The following ADAMTS2 variants were observed in gnomAD, a reference collection of about 807,000 sequenced individuals.
ADAMTS2 encodes the protein A disintegrin and metalloproteinase with thrombospondin motifs 2.
Under a neutral mutation model 123.0 loss-of-function variants are expected in ADAMTS2, and 50 were observed. The observed-to-expected ratio is 0.41, with a 90% CI of 0.32 to 0.51. The LOEUF (loss-of-function observed/expected upper bound fraction) is 0.51. ADAMTS2 is among the 20% of genes least tolerant of loss of function. The pLI is 0.35. For missense variants in ADAMTS2, 1,494 were observed against 1,705.2 expected (o/e 0.88, Z 2.18); for synonymous variants, 678 against 695.4 (o/e 0.98, Z 0.39).
chr5:179,290,397 C>A (rs1756150902), intron 2 of ADAMTS2, among the ~76,000 whole-genome samples: 1 of 152,210 alleles, frequency 6.6e-6, no homozygotes, highest in African/African-American at 2.4e-5. Context: ...TCCCAGCCTG[C>A]AGAACCATGA....
At chr5:179,237,705 T>A (rs1765563309) in intron 3 of ADAMTS2, among the ~76,000 whole-genome samples, 1 of 152,198 alleles carries the variant, frequency 6.6e-6, no homozygotes, top group South Asian at 2.1e-4. Context: ...CGGGGCCTGA[T>A]GAGGGGCTCT....
At chr5:179,209,545 CAT>C (rs1415789825) in intron 3 of ADAMTS2, among the ~76,000 whole-genome samples, 3 of 149,234 alleles carry the variant, frequency 2.0e-5, no homozygotes, top group Non-Finnish European at 3.0e-5. Context: ...CATGCACACA[CAT>C]GTACACACAC....
At chr5:179,165,778 C>T (rs1324346121) in intron 5 of ADAMTS2, among the ~76,000 whole-genome samples, 1 of 152,178 alleles carries the variant, frequency 6.6e-6, no homozygotes, top group African/African-American at 2.4e-5. Flanking sequence ...GCGGCAGCAG[C>T]TCCCAGAACT....
At chr5:179,257,656 C>G (rs1373084331) in intron 3 of ADAMTS2, among the ~76,000 whole-genome samples, 6 of 152,222 alleles carry the variant, frequency 3.9e-5, no homozygotes, top group African/African-American at 1.4e-4. Context: ...AGAAACGGAA[C>G]CGCTGGAAAG....
Position 179,256,279 on chromosome 5 carries a change from C to T in ADAMTS2, c.688+16632G>A, listed in dbSNP as rs1439902159. Among the ~76,000 whole-genome samples, 1 of 152,160 alleles carries T rather than the reference C, an allele frequency of 6.6e-6. No individual in the cohort carries two copies. Among genetic ancestry groups the T allele is most frequent in the Non-Finnish European group, 1.5e-5 (1 of 68,036 alleles). Reference sequence around the variant, plus strand: ...GACCCGCCCCTGGGGACACGGGTGCCCAACAGGAAAGAGGACGGGGGCTTA... The same window carrying T: ...GACCCGCCCCTGGGGACACGGGTGCTCAACAGGAAAGAGGACGGGGGCTTA... On this transcript the variant is annotated intron_variant, in intron 3 of 21. Coordinates refer to ENST00000251582, the MANE Select transcript of ADAMTS2 (RefSeq NM_014244.5). This position sits in a 1 kb window ranked among gnomAD's most constrained non-coding sequence, Gnocchi z 4.1.
intron 11 of ADAMTS2, among the ~76,000 whole-genome samples, 186 bp from the exon 12 acceptor site, chr5:179,138,130 C>T (rs1340437032): frequency 2.0e-5 from 3 of 146,460 alleles, no homozygotes; most frequent in Admixed American, 2.0e-4. Flanking sequence ...TCCAGCCTGT[C>T]AGGCCTCAGA....
rs749411311 is a variant in ADAMTS2 at position 179,126,152 on chromosome 5, G to A, written c.2618-22C>T. 1.9e-6 allele frequency: 3 copies of A among 1,612,786 alleles called. No individual in the cohort carries two copies. The Admixed American group carries it at 5.0e-5, about 27-fold the overall frequency. On this transcript the variant is annotated intron_variant, in intron 17 of 21. Transcript: ENST00000251582. ...GACCCTGAAGGCAGAGAGCTCGACGGGGGTCGGTGGGGCAGCATGCCCTGC... is the reference window on the plus strand; with the variant it reads ...GACCCTGAAGGCAGAGAGCTCGACGAGGGTCGGTGGGGCAGCATGCCCTGC...
chr5:179,154,349 A>G (rs1763427109), intron 7 of ADAMTS2, among the ~76,000 whole-genome samples, 157 bp from the exon 8 acceptor site: 1 of 152,082 alleles, frequency 6.6e-6, no homozygotes, highest in Non-Finnish European at 1.5e-5. Context: ...ACCTGCTGCA[A>G]TTTGAAAGCC....
chr5:179,153,754 G>A, intron 8 of ADAMTS2, 131 bp from the exon 9 acceptor site: 2 of 1,360,286 alleles, frequency 1.5e-6, no homozygotes, highest in Non-Finnish European at 2.0e-6. Flanking sequence ...TGGCTGTGCT[G>A]CCTCAGTTTC....
At chr5:179,165,597 AGGGCAGCCAGTCCCTCCCAG>A (rs1170558473) in intron 5 of ADAMTS2, among the ~76,000 whole-genome samples, 1 of 152,116 alleles carries the variant, frequency 6.6e-6, no homozygotes, top group Non-Finnish European at 1.5e-5. Context: ...GGGACTTTAC[AGGGCAGCCAGTCCCTCCCAG>A]GGGCAGCCGC....
chr5:179,209,508 GCGCACACACACATGCA>G (rs1227285312), intron 3 of ADAMTS2, among the ~76,000 whole-genome samples: 68 of 139,670 alleles, frequency 4.9e-4, no homozygotes, highest in African/African-American at 1.8e-3. Flanking sequence ...TGTCCCCTCG[GCGCACACACACATGCA>G]CACACACACA....
rs1479388395 is a variant in ADAMTS2, at chr5:179,130,819, A to C, written c.2291-721T>G. ...CTGTAATTCTGTCCACTCACAAACA[A>C]AGCCTCTGCTTGGTGCCACACGTCC... On this transcript the variant is annotated intron_variant, in intron 15 of 21. Transcript: ENST00000251582. The surrounding 1 kb of genome is among the most constrained non-coding windows in gnomAD (Gnocchi z 4.3). Among the ~76,000 whole-genome samples the C allele has an allele frequency of 6.6e-6, 1 of 152,058 alleles. No individual in the cohort carries two copies. The highest frequency in any genetic ancestry group is 1.5e-5 in the Non-Finnish European group (1 of 68,018).
rs2113534709 is a variant in ADAMTS2, at chr5:179,285,262, G to A, written c.535-12198C>T. ...TTTACAAAGGGCATATAGCAAAACA[G>A]ACAATTCATGTGAAGACAGGAGAGA... is the stretch of plus-strand genomic sequence containing the variant. On this transcript the variant is annotated intron_variant, in intron 2 of 21. Coordinates refer to ENST00000251582, the MANE Select transcript of ADAMTS2 (RefSeq NM_014244.5). This position sits in a 1 kb window ranked among gnomAD's most constrained non-coding sequence, Gnocchi z 4.9. Among the ~76,000 whole-genome samples the A allele has an allele frequency of 6.6e-6, 1 of 152,292 alleles. No homozygotes were observed. Among genetic ancestry groups the A allele is most frequent in the South Asian group, 2.1e-4 (1 of 4,826 alleles).
chr5:179,159,369 C>T (rs1374087526), intron 5 of ADAMTS2, among the ~76,000 whole-genome samples: 6 of 152,218 alleles, frequency 3.9e-5, no homozygotes, highest in Non-Finnish European at 8.8e-5. Context: ...TATACGTTCC[C>T]CCCGTGTGAA....
intron 1 of ADAMTS2, 46 bp from the exon 2 acceptor site, chr5:179,344,207 A>G (rs1430163418): frequency 1.1e-5 from 17 of 1,535,956 alleles, no homozygotes; most frequent in African/African-American, 1.4e-5. Context: ...ACGGAGCCCC[A>G]GTGCCTCAGA....
chr5:179,134,206 T>C (rs916954453), intron 13 of ADAMTS2, among the ~76,000 whole-genome samples: 33 of 152,192 alleles, frequency 2.2e-4, no homozygotes, highest in African/African-American at 8.0e-4. Flanking sequence ...ACGTCCTATG[T>C]CTTGATATTT....
At chr5:179,266,098 G>A (rs993442159) in intron 3 of ADAMTS2, among the ~76,000 whole-genome samples, 5 of 152,166 alleles carry the variant, frequency 3.3e-5, no homozygotes, top group African/African-American at 1.2e-4. Context: ...GAGACACAGA[G>A]ACAGGTCTGG....
At chr5:179,290,889 C>T (rs1023446247) in intron 2 of ADAMTS2, among the ~76,000 whole-genome samples, 6 of 152,176 alleles carry the variant, frequency 3.9e-5, no homozygotes, top group Non-Finnish European at 7.3e-5. Flanking sequence ...CAGGGAGAAC[C>T]GTGTAGCCGG....
At chr5:179,223,483 TG>T (rs1432364401) in intron 3 of ADAMTS2, among the ~76,000 whole-genome samples, 1 of 127,302 alleles carries the variant, frequency 7.9e-6, no homozygotes, top group Non-Finnish European at 1.7e-5. Flanking sequence ...CACACACAAA[TG>T]GACTCACACT....
Sources: gnomAD v4.1 joint callset for allele counts (sites outside exome capture counted in the v4.1 genomes callset) on GRCh38, gnomAD v4.1.1 for gene constraint, Gnocchi (gnomAD v3.1) non-coding constraint, MANE v1.5 for transcripts, NCBI Gene and HGNC (gene_info 2026-07-23, HGNC 2026-07-21) for gene names.